Variants in ADGRG7 observed in about 807,000 individuals in gnomAD.
The protein encoded by ADGRG7 is adhesion G protein-coupled receptor G7, also known as G-protein coupled receptor 128.
ADGRG7 carries 82 observed loss-of-function variants against 88.6 expected under a neutral mutation model. That is an observed-to-expected ratio of 0.93 (90% CI 0.77 to 1.11). ADGRG7 has a LOEUF of 1.11. Ranked by LOEUF, ADGRG7 falls within the 50% of genes most tolerant of loss-of-function variation. ADGRG7 has a pLI of 0.00. For synonymous variants in ADGRG7, 381 were observed against 345.2 expected (o/e 1.10, Z -1.15); for missense variants, 945 against 953.4 (o/e 0.99, Z 0.12).
At chr3:100,675,785 C>T (rs998979937) in intron 15 of ADGRG7, among the ~76,000 whole-genome samples, 2 of 152,082 alleles carry the variant, frequency 1.3e-5, no homozygotes, top group South Asian at 4.1e-4. Flanking sequence ...TGTCTCATTA[C>T]TTGTTACTGG....
intron 15 of ADGRG7, among the ~76,000 whole-genome samples, chr3:100,671,956 T>C (rs1189301257): frequency 6.6e-6 from 1 of 152,236 alleles, no homozygotes; most frequent in Admixed American, 6.5e-5. Flanking sequence ...TTGGTTACTG[T>C]AGCCTTGTAG....
chr3:100,631,170 T>G (rs1408328353), intron 3 of ADGRG7, among the ~76,000 whole-genome samples: 1 of 152,196 alleles, frequency 6.6e-6, no homozygotes, highest in Non-Finnish European at 1.5e-5. Context: ...GTATCATATC[T>G]ATTTTCAGAT....
chr3:100,669,409 G>A (rs560479327), intron 15 of ADGRG7, among the ~76,000 whole-genome samples: 1 of 151,940 alleles, frequency 6.6e-6, no homozygotes, highest in East Asian at 2.0e-4. Context: ...TCCTCCTACT[G>A]TAATCTCCTC....
chr3:100,678,624 TAA>T (rs1452266311), intron 15 of ADGRG7, among the ~76,000 whole-genome samples: 2 of 152,214 alleles, frequency 1.3e-5, no homozygotes, highest in East Asian at 3.9e-4. Context: ...TGTTATAATC[TAA>T]GTCTTTGGTC....
Position 100,649,695 on chromosome 3 carries a change from A to G in ADGRG7, c.1267A>G (p.Thr423Ala). ...ATATGAGTCTTACCTTGTTTTTCAG[A>G]CTTTCAAAAAGGATTATCAATATCC... ...NHTTNFAVLM[T>A]FKKDYQYPKS... Residue 423 changes from threonine to alanine, a missense_variant and splice_region_variant, in exon 11 of 16, where the codon ACT (threonine) becomes GCT (alanine). Thr to Ala is a moderately conservative substitution (Grantham distance 58). Coordinates refer to ENST00000273352, the MANE Select transcript of ADGRG7 (RefSeq NM_032787.3). 1.3e-6 allele frequency: 2 copies of G among 1,557,536 alleles called. No homozygotes were observed. Among genetic ancestry groups the G allele is most frequent in the Non-Finnish European group, 1.8e-6 (2 of 1,130,574 alleles).
At chr3:100,659,020 A>G (rs982194544) in intron 13 of ADGRG7, among the ~76,000 whole-genome samples, 3 of 152,200 alleles carry the variant, frequency 2.0e-5, no homozygotes, top group Non-Finnish European at 4.4e-5. Flanking sequence ...AAACGCCACT[A>G]CAACCACCAC....
chr3:100,667,314 T>C (rs2094953096), intron 14 of ADGRG7, among the ~76,000 whole-genome samples: 1 of 152,188 alleles, frequency 6.6e-6, no homozygotes, highest in Non-Finnish European at 1.5e-5. Flanking sequence ...TTTCTCCTAA[T>C]GTTATCCCTC....
chr3:100,678,424 G>C (rs944051055), intron 15 of ADGRG7, among the ~76,000 whole-genome samples: 1 of 152,024 alleles, frequency 6.6e-6, no homozygotes, highest in Non-Finnish European at 1.5e-5. Flanking sequence ...CTCTGGGATT[G>C]GTCACTGGTG....
intron 15 of ADGRG7, among the ~76,000 whole-genome samples, chr3:100,692,434 G>C (rs1447247102): frequency 1.3e-5 from 2 of 152,200 alleles, no homozygotes; most frequent in Non-Finnish European, 2.9e-5. Flanking sequence ...ATTTAGGGAG[G>C]AATCTGAATG....
At chr3:100,682,743 A>C (rs2094975256) in intron 15 of ADGRG7, among the ~76,000 whole-genome samples, 1 of 152,116 alleles carries the variant, frequency 6.6e-6, no homozygotes, top group Admixed American at 6.5e-5. Flanking sequence ...GGCTGTGAGG[A>C]GGCACGGCCA....
At chr3:100,662,646 T>C (rs1219205816) in intron 14 of ADGRG7, among the ~76,000 whole-genome samples, 2 of 152,114 alleles carry the variant, frequency 1.3e-5, no homozygotes, top group Admixed American at 1.3e-4. Flanking sequence ...TTAGATGCTA[T>C]GCAGAACTTA....
Position 100,643,603 on chromosome 3 carries a change from G to C in ADGRG7, c.916G>C (p.Glu306Gln). The C allele has an allele frequency of 6.2e-7, 1 of 1,613,720 alleles. No homozygotes were observed. The highest frequency in any genetic ancestry group is 1.1e-5 in the South Asian group (1 of 90,992). ...TGGCCTTAACCCAGATGCACAGACT[G>C]AGCTTCAGGTCTTGCTTAATATGAC... is the stretch of plus-strand genomic sequence containing the variant. ...VDGLNPDAQT[E>Q]LQVLLNMTKN... The change falls in exon 8 of 16, where the codon GAG becomes CAG. Residue 306 changes from glutamate to glutamine, a missense_variant. Transcript: ENST00000273352.
At chr3:100,632,286 A>C (rs1707469020) in intron 3 of ADGRG7, among the ~76,000 whole-genome samples, 1 of 152,072 alleles carries the variant, frequency 6.6e-6, no homozygotes, top group African/African-American at 2.4e-5. Flanking sequence ...CCTATTATAA[A>C]ATCATGTTTA....
At chr3:100,678,157 C>A (rs2094968076) in intron 15 of ADGRG7, among the ~76,000 whole-genome samples, 1 of 151,866 alleles carries the variant, frequency 6.6e-6, no homozygotes, top group Admixed American at 6.6e-5. Flanking sequence ...TTTCAAATAG[C>A]CTGTCTTCAA....
At chr3:100,674,705 G>A (rs535576553) in intron 15 of ADGRG7, among the ~76,000 whole-genome samples, 3 of 152,070 alleles carry the variant, frequency 2.0e-5, no homozygotes, top group African/African-American at 7.2e-5. Context: ...AGCCTCCTGA[G>A]TAGCTGGGAC....
intron 13 of ADGRG7, among the ~76,000 whole-genome samples, chr3:100,658,976 G>A (rs1198852575): frequency 2.6e-5 from 4 of 151,610 alleles, no homozygotes; most frequent in Admixed American, 6.6e-5. Flanking sequence ...ATGCCTGTAG[G>A]TGGTTACTAT....
At chr3:100,668,854 C>T in intron 14 of ADGRG7, 95 bp from the exon 15 acceptor site, 2 of 803,930 alleles carry the variant, frequency 2.5e-6, no homozygotes, top group Admixed American at 3.0e-5. Context: ...TGTATATGGG[C>T]AGCTGAATAT....
At chr3:100,668,711 G>T (rs2094954627) in intron 14 of ADGRG7, among the ~76,000 whole-genome samples, 1 of 152,188 alleles carries the variant, frequency 6.6e-6, no homozygotes. Flanking sequence ...GTATTAAGGA[G>T]CTGTGTTTGC....
chr3:100,662,915 A>G (rs1273705380), intron 14 of ADGRG7, among the ~76,000 whole-genome samples: 1 of 152,164 alleles, frequency 6.6e-6, no homozygotes, highest in African/African-American at 2.4e-5. Context: ...GAACAATGCA[A>G]AATTTAGTAA....
Sources: allele counts gnomAD v4.1 joint callset (sites outside exome capture counted in the v4.1 genomes callset), GRCh38; gene constraint gnomAD v4.1.1; transcripts MANE v1.5; gene names NCBI Gene and HGNC (gene_info 2026-07-23, HGNC 2026-07-21).